The following AMD1 variants were observed in gnomAD, a reference collection of about 807,000 sequenced individuals.
The protein encoded by AMD1 is S-adenosylmethionine decarboxylase proenzyme.
In AMD1, 11 loss-of-function variants were observed where a neutral mutation model predicts 40.2. The ratio of observed to expected loss-of-function variants is 0.27; its 90% CI spans 0.17 to 0.45. AMD1 has a LOEUF of 0.45. Among genes scored for constraint, AMD1 ranks in the 20% least tolerant of loss-of-function variants. The pLI is 1.00. For missense variants in AMD1, 257 were observed against 410.2 expected (o/e 0.63, Z 3.23); for synonymous variants, 121 against 130.8 (o/e 0.93, Z 0.51).
chr6:110,821,051 G>A, the AMD1 span, among the ~76,000 whole-genome samples: 3 of 152,168 alleles, frequency 2.0e-5, no homozygotes, highest in Non-Finnish European at 4.4e-5. Flanking sequence ...TTTAATCTTC[G>A]CTGGTTAATG....
the AMD1 span, among the ~76,000 whole-genome samples, chr6:110,818,108 G>A: frequency 4.2e-3 from 645 of 152,286 alleles, 4 homozygotes; most frequent in African/African-American, 0.014. Context: ...AGCTATTTAT[G>A]TCAGGGAGAG....
the AMD1 span, among the ~76,000 whole-genome samples, chr6:110,861,955 G>T: frequency 6.6e-6 from 1 of 151,438 alleles, no homozygotes; most frequent in African/African-American, 2.4e-5. Context: ...CAATGTTGCT[G>T]TTGAGAAGTT....
chr6:110,819,191 CT>C, the AMD1 span, among the ~76,000 whole-genome samples: 1 of 152,110 alleles, frequency 6.6e-6, no homozygotes, highest in Admixed American at 6.5e-5. Context: ...AACCCCGTCT[CT>C]ACTACAAATA....
the AMD1 span, among the ~76,000 whole-genome samples, chr6:110,829,719 G>A: frequency 6.6e-6 from 1 of 151,818 alleles, no homozygotes; most frequent in African/African-American, 2.4e-5. Context: ...GGTGGCACGA[G>A]CCTGTAGTCC....
chr6:110,816,698 G>C, the AMD1 span, among the ~76,000 whole-genome samples: 2 of 6,938 alleles, frequency 2.9e-4, no homozygotes, highest in African/African-American at 1.1e-3. Context: ...ATTCACCTTA[G>C]ACATTTTTTC....
chr6:110,859,283 A>G, the AMD1 span: 19 of 365,096 alleles, frequency 5.2e-5, no homozygotes, highest in Non-Finnish European at 9.9e-5. Context: ...GTGTGGGATC[A>G]GGGAGGTCTT....
chr6:110,859,415 G>A, the AMD1 span, among the ~76,000 whole-genome samples: 1 of 152,112 alleles, frequency 6.6e-6, no homozygotes, highest in African/African-American at 2.4e-5. Context: ...GCTGTGGGCC[G>A]AGCAGTGCTG....
chr6:110,892,528 G>C, intron 6 of AMD1, 85 bp downstream of exon 6: 1 of 1,572,580 alleles, frequency 6.4e-7, no homozygotes, highest in Admixed American at 1.8e-5. Context: ...TTTAAGTTCA[G>C]GGTAACAAGT....
At chr6:110,860,864 C>G in the AMD1 span, among the ~76,000 whole-genome samples, 270 of 149,806 alleles carry the variant, frequency 1.8e-3, 1 homozygote, top group South Asian at 0.027. Context: ...CACACACACA[C>G]ACACACAGAG....
At chr6:110,817,653 T>G in the AMD1 span, among the ~76,000 whole-genome samples, 1 of 152,194 alleles carries the variant, frequency 6.6e-6, no homozygotes, top group Non-Finnish European at 1.5e-5. Flanking sequence ...CAGTTGCTCT[T>G]GTTGCCATGC....
the AMD1 span, among the ~76,000 whole-genome samples, chr6:110,838,619 G>A: frequency 5.3e-5 from 8 of 151,900 alleles, no homozygotes; most frequent in Non-Finnish European, 1.0e-4. Flanking sequence ...GGCACTTTGG[G>A]AGGCCGAGGT....
the AMD1 span, among the ~76,000 whole-genome samples, chr6:110,862,349 T>C: frequency 6.7e-6 from 1 of 149,864 alleles, no homozygotes; most frequent in Non-Finnish European, 1.5e-5. Context: ...TTTTTTTTAA[T>C]GGATAGAGTG....
chr6:110,817,901 G>A, the AMD1 span, among the ~76,000 whole-genome samples: 1 of 152,234 alleles, frequency 6.6e-6, no homozygotes, highest in Non-Finnish European at 1.5e-5. Flanking sequence ...TTTAAAGCAT[G>A]AGTAAGCCTT....
At chr6:110,865,660 G>T in the AMD1 span, among the ~76,000 whole-genome samples, 755 of 152,244 alleles carry the variant, frequency 5.0e-3, 7 homozygotes, top group South Asian at 0.017. Flanking sequence ...CTCCCAAAGT[G>T]CTGGGATCAC....
At chr6:110,827,991 A>G in the AMD1 span, among the ~76,000 whole-genome samples, 7 of 152,216 alleles carry the variant, frequency 4.6e-5, no homozygotes, top group Admixed American at 2.6e-4. Context: ...CTTCAAATGT[A>G]TAATACACAC....
the AMD1 span, among the ~76,000 whole-genome samples, chr6:110,847,063 G>GTGTGGT: frequency 1.4e-4 from 20 of 143,280 alleles, no homozygotes; most frequent in Middle Eastern, 3.5e-3. Flanking sequence ...GTGTGTGTGT[G>GTGTGGT]GTGTGTGTGT....
At chr6:110,832,072 G>A in the AMD1 span, among the ~76,000 whole-genome samples, 3 of 150,204 alleles carry the variant, frequency 2.0e-5, no homozygotes, top group Non-Finnish European at 4.4e-5. Context: ...GAGTGCAGTG[G>A]CAGGATCTCG....
chr6:110,817,383 G>T, the AMD1 span, among the ~76,000 whole-genome samples: 2 of 152,184 alleles, frequency 1.3e-5, no homozygotes, highest in Non-Finnish European at 2.9e-5. Context: ...GCCAAGGCGG[G>T]TGGATCACGA....
the AMD1 span, chr6:110,814,691 AC>A: frequency 1.8e-6 from 1 of 558,450 alleles, no homozygotes. Context: ...AAGAGACTAG[AC>A]CCCACAAACT....
Sources: allele counts gnomAD v4.1 joint callset (sites outside exome capture counted in the v4.1 genomes callset), GRCh38; gene constraint gnomAD v4.1.1; transcripts MANE v1.5; gene names NCBI Gene and HGNC (gene_info 2026-07-23, HGNC 2026-07-21).